Variants in ZBTB7C observed in about 807,000 individuals in gnomAD.
The protein encoded by ZBTB7C is zinc finger and BTB domain containing 7C, also known as zinc finger and BTB domain-containing protein 7C.
ZBTB7C carries 8 observed loss-of-function variants against 25.7 expected under a neutral mutation model. That is an observed-to-expected ratio of 0.31 (90% CI 0.18 to 0.56). The LOEUF is 0.56. Ranked by LOEUF, ZBTB7C falls within the 20% of genes least tolerant of loss-of-function variation. The pLI is 0.91. For synonymous variants in ZBTB7C, 394 were observed against 369.0 expected, an observed-to-expected ratio of 1.07 and a Z score of -0.78; for missense variants, 824 against 855.2, an observed-to-expected ratio of 0.96 and a Z score of 0.46.
At chr18:48,095,655 T>G (rs1292630074) in intron 3 of ZBTB7C, among the ~76,000 whole-genome samples, 2 of 152,048 alleles carry the variant, frequency 1.3e-5, no homozygotes, top group African/African-American at 4.8e-5. Context: ...GAGATTGCAA[T>G]GAGCCGAGAT....
chr18:48,357,916 T>C (rs569690013), intron 1 of ZBTB7C, among the ~76,000 whole-genome samples: 2 of 152,280 alleles, frequency 1.3e-5, no homozygotes, highest in South Asian at 4.1e-4. Flanking sequence ...CATGTTGACA[T>C]GTAATCCCCA....
upstream of ZBTB7C, among the ~76,000 whole-genome samples, chr18:48,411,939 T>A (rs1015943664): frequency 4.6e-5 from 7 of 152,266 alleles, no homozygotes; most frequent in African/African-American, 1.7e-4. Flanking sequence ...TGGATGTAAG[T>A]GCAATGGTAA....
In ZBTB7C at chr18:48,273,671, T is replaced by C. The variant is rs79521922; in HGVS notation, c.-79+64503A>G. Among the ~76,000 whole-genome samples the C allele has an allele frequency of 2.7e-3, 404 of 152,132 alleles. 4 individuals are homozygous for C. Among genetic ancestry groups the C allele is most frequent in the African/African-American group, 9.2e-3 (383 of 41,548 alleles). ...AAAAAAGGAAAGGATCAGAATAAAA[T>C]AAGGTAGAAACGTTAAGATTGATTA... On this transcript the variant is annotated intron_variant, in intron 2 of 4. Coordinates refer to ENST00000590800, the MANE Select transcript of ZBTB7C (RefSeq NM_001318841.2).
chr18:48,121,519 T>TAG, intron 3 of ZBTB7C, among the ~76,000 whole-genome samples: 1 of 152,308 alleles, frequency 6.6e-6, no homozygotes, highest in Non-Finnish European at 1.5e-5. Context: ...ATCCACTTCT[T>TAG]AGCTCCCTCT....
chr18:48,268,298 T>TGGC (rs2044372570), intron 2 of ZBTB7C, among the ~76,000 whole-genome samples: 1 of 152,224 alleles, frequency 6.6e-6, no homozygotes, highest in Admixed American at 6.5e-5. Context: ...GAGACACTTG[T>TGGC]TTAAAATGGC....
At chr18:48,132,251 G>C (rs965843686) in intron 3 of ZBTB7C, among the ~76,000 whole-genome samples, 2 of 152,170 alleles carry the variant, frequency 1.3e-5, no homozygotes, top group African/African-American at 4.8e-5. Flanking sequence ...AAAGAGAAAT[G>C]AAGTACTGAT....
At chr18:48,371,527 G>A (rs1490780334) in intron 1 of ZBTB7C, among the ~76,000 whole-genome samples, 1 of 152,162 alleles carries the variant, frequency 6.6e-6, no homozygotes, top group Non-Finnish European at 1.5e-5. Flanking sequence ...GCCGGTTTTG[G>A]GACATTTGTC....
chr18:48,045,566 C>T (rs1391152783), intron 3 of ZBTB7C, among the ~76,000 whole-genome samples: 3 of 152,202 alleles, frequency 2.0e-5, no homozygotes, highest in Admixed American at 2.0e-4. Flanking sequence ...TTCTCAGCTG[C>T]CATGCCTTTG....
At chr18:48,304,038 G>A (rs765195224) in intron 2 of ZBTB7C, among the ~76,000 whole-genome samples, 4 of 152,138 alleles carry the variant, frequency 2.6e-5, no homozygotes, top group South Asian at 2.1e-4. Context: ...ACCTTGCAGC[G>A]ACCAGCCCAG....
rs372050931 is a variant in ZBTB7C at position 48,040,415 on chromosome 18, T to C, written c.693A>G (p.Leu231=). Residue 231 remains leucine, a synonymous_variant, in exon 4 of 5, where the codon CTA becomes CTG. Transcript: ENST00000590800. ...TGGCCTTGGGGTACAGGTTCTCCCT[T>C]AGCAGAGATTCGATGGAGAAGTCCC... The part of the protein sequence containing the change: ...VIRDFSIESL[L]RENLYPKANI... 1.9e-6 allele frequency: 3 copies of C among 1,610,582 alleles called. No homozygotes were observed. The highest frequency in any genetic ancestry group is 2.7e-5 in the African/African-American group (2 of 74,812).
At chr18:48,353,170 G>A (rs905341925) in intron 1 of ZBTB7C, among the ~76,000 whole-genome samples, 1 of 152,194 alleles carries the variant, frequency 6.6e-6, no homozygotes, top group Non-Finnish European at 1.5e-5. Flanking sequence ...AGATAGGTAT[G>A]GATATGTATA....
At chr18:48,286,749 G>C (rs1383347820) in intron 2 of ZBTB7C, among the ~76,000 whole-genome samples, 12 of 152,082 alleles carry the variant, frequency 7.9e-5, no homozygotes, top group Non-Finnish European at 1.8e-4. Flanking sequence ...AACAGAACAA[G>C]TTTTAAAACT....
At chr18:48,216,437 G>A (rs943069176) in intron 2 of ZBTB7C, among the ~76,000 whole-genome samples, 4 of 152,078 alleles carry the variant, frequency 2.6e-5, no homozygotes, top group Non-Finnish European at 2.9e-5. Flanking sequence ...GCAGAATCAC[G>A]AGGCAAAATG....
At chr18:48,238,250 G>C (rs1170261600) in intron 2 of ZBTB7C, among the ~76,000 whole-genome samples, 1 of 152,186 alleles carries the variant, frequency 6.6e-6, no homozygotes, top group Non-Finnish European at 1.5e-5. Context: ...TAAGTGTTAT[G>C]CACTTTCCTG....
chr18:48,334,464 C>CA (rs2046415864), intron 2 of ZBTB7C, among the ~76,000 whole-genome samples: 1 of 152,180 alleles, frequency 6.6e-6, no homozygotes, highest in African/African-American at 2.4e-5. Flanking sequence ...ACCCAGCTCC[C>CA]AGACCCGAAA....
intron 3 of ZBTB7C, among the ~76,000 whole-genome samples, chr18:48,164,400 A>G (rs1291717836): frequency 2.0e-5 from 3 of 152,140 alleles, no homozygotes; most frequent in Non-Finnish European, 4.4e-5. Flanking sequence ...CTTTTGGCAA[A>G]CATGCACATA....
At chr18:48,339,393 G>A (rs2046539137) in intron 1 of ZBTB7C, among the ~76,000 whole-genome samples, 1 of 152,252 alleles carries the variant, frequency 6.6e-6, no homozygotes, top group African/African-American at 2.4e-5. Flanking sequence ...AGATAGGAGT[G>A]AGAGTGGCAA....
At chr18:48,322,705 C>T (rs181174725) in intron 2 of ZBTB7C, among the ~76,000 whole-genome samples, 68 of 152,178 alleles carry the variant, frequency 4.5e-4, no homozygotes, top group Admixed American at 9.8e-4. Flanking sequence ...GTATCTACCC[C>T]GAGGAAAGTA....
rs1019876931 is a variant in ZBTB7C at position 48,381,730 on chromosome 18, T to C, written c.-304+27496A>G. On this transcript the variant is annotated intron_variant, in intron 1 of 4. Coordinates refer to ENST00000590800, the MANE Select transcript of ZBTB7C (RefSeq NM_001318841.2). ...AAAAGTATTTCTCACTCATGTGACA[T>C]TGAAGGACAGCTAGGAGTCAGCTGT... 5.9e-5 allele frequency among the ~76,000 whole-genome samples: 9 copies of C among 152,250 alleles called. No homozygotes were observed. In the East Asian group the frequency reaches 1.5e-3, roughly 26 times the overall value.
Sources: allele counts gnomAD v4.1 joint callset (sites outside exome capture counted in the v4.1 genomes callset), GRCh38; gene constraint gnomAD v4.1.1; transcripts MANE v1.5; gene names NCBI Gene and HGNC (gene_info 2026-07-23, HGNC 2026-07-21).